The following ERICH6B variants were observed in gnomAD, a reference collection of about 807,000 sequenced individuals.
ERICH6B encodes the protein glutamate-rich protein 6B.
ERICH6B carries 69 observed loss-of-function variants against 80.0 expected under a neutral mutation model. The ratio of observed to expected loss-of-function variants is 0.86; its 90% CI spans 0.71 to 1.05. ERICH6B has a LOEUF of 1.05. ERICH6B is among the 50% of genes least tolerant of loss of function. The pLI, the probability that ERICH6B is intolerant of heterozygous loss-of-function variation, is 0.00. For synonymous variants in ERICH6B, 283 were observed against 291.9 expected, an observed-to-expected ratio of 0.97 and a Z score of 0.31; for missense variants, 754 against 796.1, an observed-to-expected ratio of 0.95 and a Z score of 0.64.
chr13:45,564,037 A>C (rs1874810659), intron 9 of ERICH6B, among the ~76,000 whole-genome samples: 2 of 152,138 alleles, frequency 1.3e-5, no homozygotes, highest in Admixed American at 1.3e-4. Flanking sequence ...TGAACCCTAA[A>C]CCCTTCGAAA....
chr13:45,574,773 G>T, intron 8 of ERICH6B, 69 bp downstream of exon 8: 1 of 1,241,172 alleles, frequency 8.1e-7, no homozygotes, highest in Non-Finnish European at 1.2e-6. Context: ...AGCTTGCCTG[G>T]GCTAGGCTTG....
At chr13:45,545,813 G>A (rs1374980327) in intron 13 of ERICH6B, among the ~76,000 whole-genome samples, 1 of 152,136 alleles carries the variant, frequency 6.6e-6, no homozygotes, top group African/African-American at 2.4e-5. Flanking sequence ...GCAGAGCGTG[G>A]CCTTGTTCAA....
intron 5 of ERICH6B, among the ~76,000 whole-genome samples, chr13:45,584,749 C>T (rs1222626898): frequency 2.0e-5 from 3 of 152,210 alleles, no homozygotes; most frequent in South Asian, 4.1e-4. Flanking sequence ...CTCAGCTCCA[C>T]GTGCCCAGTT....
intron 9 of ERICH6B, among the ~76,000 whole-genome samples, chr13:45,566,143 T>C (rs1874902570): frequency 6.6e-6 from 1 of 152,198 alleles, no homozygotes; most frequent in African/African-American, 2.4e-5. Flanking sequence ...GATGATTTAG[T>C]GTAGCTGGTG....
chr13:45,564,639 A>G (rs1255703955), intron 9 of ERICH6B, among the ~76,000 whole-genome samples: 2 of 152,246 alleles, frequency 1.3e-5, no homozygotes, highest in African/African-American at 4.8e-5. Context: ...TAGAAGCAAT[A>G]GGGAAATTTG....
intron 2 of ERICH6B, among the ~76,000 whole-genome samples, chr13:45,599,829 T>C (rs191210499): frequency 6.6e-6 from 1 of 152,308 alleles, no homozygotes; most frequent in East Asian, 1.9e-4. Flanking sequence ...GTGAAAGTGT[T>C]AGGATTAAAG....
intron 5 of ERICH6B, among the ~76,000 whole-genome samples, chr13:45,586,289 G>A (rs983846318): frequency 2.0e-5 from 3 of 152,108 alleles, no homozygotes; most frequent in African/African-American, 2.4e-5. Context: ...TAGCAGCCAC[G>A]GATAGGGGCA....
chr13:45,546,622 A>G (rs763411274), intron 13 of ERICH6B, among the ~76,000 whole-genome samples: 5 of 152,158 alleles, frequency 3.3e-5, no homozygotes, highest in Non-Finnish European at 7.4e-5. Context: ...GTTTTGGTGC[A>G]GAGATATACC....
Position 45,597,017 on chromosome 13 carries a change from C to T in ERICH6B, c.-12G>A, listed in dbSNP as rs1034029838. 3.3e-6 allele frequency: 5 copies of T among 1,530,822 alleles called. No homozygotes were observed. The South Asian group carries it at 3.8e-5, about 11-fold the overall frequency. 94.8% of individuals were successfully genotyped at this position (1,530,822 alleles called of 1,614,324 possible). Reference sequence around the variant, plus strand: ...TTTTCAGCAGACATGCTGGGGAAGTCGTAGGTGGTGAACTCCTTCTGCAGC... The same window carrying T: ...TTTTCAGCAGACATGCTGGGGAAGTTGTAGGTGGTGAACTCCTTCTGCAGC... On this transcript the variant is annotated 5_prime_UTR_variant, in exon 3 of 15. Coordinates refer to ENST00000298738, the MANE Select transcript of ERICH6B (RefSeq NM_182542.3).
chr13:45,572,793 G>A (rs2137990982), intron 8 of ERICH6B, among the ~76,000 whole-genome samples: 1 of 152,324 alleles, frequency 6.6e-6, no homozygotes, highest in East Asian at 1.9e-4. Flanking sequence ...CAACATGGTA[G>A]AAGAGAAGAC....
chr13:45,560,099 T>C (rs1874604246), intron 11 of ERICH6B, among the ~76,000 whole-genome samples: 1 of 152,240 alleles, frequency 6.6e-6, no homozygotes, highest in Non-Finnish European at 1.5e-5. Context: ...TATTTTCCTG[T>C]TGGACAAGGC....
chr13:45,550,054 A>C lies in ERICH6B; in HGVS notation c.1494-9T>G. The C allele has an allele frequency of 1.9e-6, 3 of 1,551,472 alleles. No homozygotes were observed. Among genetic ancestry groups the C allele is most frequent in the Non-Finnish European group, 2.6e-6 (3 of 1,147,044 alleles). On this transcript the variant is annotated splice_polypyrimidine_tract_variant and intron_variant, in intron 12 of 14. Transcript: ENST00000298738. ...GGTTTCCTGATGGATAACTGGGAGA[A>C]GGTTAAGGCACAAGTAGTCAGTCCT... is the stretch of plus-strand genomic sequence containing the variant.
Position 45,596,842 on chromosome 13 carries a change from G to T in ERICH6B, c.164C>A (p.Ser55Tyr). The change falls in exon 3 of 15, where the codon TCT (serine) becomes TAT (tyrosine). Residue 55 changes from serine (S) to tyrosine (Y), a missense_variant. By Grantham distance (144) the Ser-to-Tyr change is moderately radical. Coordinates refer to ENST00000298738, the MANE Select transcript of ERICH6B (RefSeq NM_182542.3). ...CTCCAGATACTCTTTGTCCTCCAGA[G>T]ACTCTCCCTCTGGAGAAAATGGAGA... is the stretch of plus-strand genomic sequence containing the variant. ...DESPFSPEGESLEDKEYLEEE... is the reference protein window; with the variant it reads ...DESPFSPEGEYLEDKEYLEEE... 6.4e-7 allele frequency: 1 copy of T among 1,551,726 alleles called. No homozygotes were observed. Among genetic ancestry groups the T allele is most frequent in the South Asian group, 1.2e-5 (1 of 84,066 alleles).
chr13:45,579,831 C>T (rs1875580560), intron 7 of ERICH6B, 102 bp downstream of exon 7: 1 of 1,154,864 alleles, frequency 8.7e-7, no homozygotes, highest in Non-Finnish European at 1.3e-6. Flanking sequence ...GGCCCTGGGT[C>T]ATGCTGGATC....
rs373039618 is a variant in ERICH6B at position 45,574,842 on chromosome 13, G to A, written c.1050C>T (p.Asn350=). ...GGTCTCAAGTTTTTATCCAACTTAC[G>A]TTTTCATCTAAATCTTCCACTTCCA... The part of the protein sequence containing the change: ...DKLEVEDLDE[N]FLNSSYQTVF... Residue 350 remains asparagine (N), a splice_region_variant and synonymous_variant, in exon 8 of 15, where the codon AAC becomes AAT. Coordinates refer to ENST00000298738, the MANE Select transcript of ERICH6B (RefSeq NM_182542.3). The A allele has an allele frequency of 2.8e-4, 440 of 1,545,686 alleles. 1 individual carries two copies. Among genetic ancestry groups the A allele is most frequent in the South Asian group, 7.4e-4 (62 of 83,906 alleles).
At chr13:45,591,226 G>T (rs1876143308) in intron 3 of ERICH6B, among the ~76,000 whole-genome samples, 2 of 152,130 alleles carry the variant, frequency 1.3e-5, no homozygotes. Context: ...AATTGGAAAG[G>T]GAAATGTGAA....
In ERICH6B at chr13:45,592,524, C is replaced by T. The variant is rs118152572; in HGVS notation, c.638-1827G>A. ...ACTGAATTACAGCATTTAGGCCAGACGGCATTTGGAGCTGCCGAGGAGGAT... is the reference window on the plus strand; with the variant it reads ...ACTGAATTACAGCATTTAGGCCAGATGGCATTTGGAGCTGCCGAGGAGGAT... On this transcript the variant is annotated intron_variant, in intron 3 of 14. Coordinates refer to ENST00000298738, the MANE Select transcript of ERICH6B (RefSeq NM_182542.3). 4.0e-3 allele frequency among the ~76,000 whole-genome samples: 608 copies of T among 152,296 alleles called. 13 individuals carry two copies. Among genetic ancestry groups the T allele is most frequent in the Admixed American group, 0.034 (521 of 15,310 alleles).
chr13:45,568,235 C>T, intron 9 of ERICH6B, 80 bp downstream of exon 9: 3 of 1,400,162 alleles, frequency 2.1e-6, no homozygotes, highest in Admixed American at 6.2e-5. Flanking sequence ...TTGTTGATGG[C>T]TCAGTTTACA....
intron 5 of ERICH6B, among the ~76,000 whole-genome samples, chr13:45,582,266 A>C (rs1875707434): frequency 6.6e-6 from 1 of 152,240 alleles, no homozygotes. Flanking sequence ...ACTCCAATGC[A>C]GGGCACAGCA....
Sources: gnomAD v4.1 joint callset for allele counts (sites outside exome capture counted in the v4.1 genomes callset) on GRCh38, gnomAD v4.1.1 for gene constraint, MANE v1.5 for transcripts, NCBI Gene and HGNC (gene_info 2026-07-23, HGNC 2026-07-21) for gene names.